The following THSD4 variants were observed in gnomAD, a reference collection of about 807,000 sequenced individuals.
THSD4 encodes thrombospondin type-1 domain-containing protein 4.
A neutral mutation model predicts 119.0 loss-of-function variants in THSD4; 69 were observed. The ratio of observed to expected loss-of-function variants is 0.58; its 90% CI spans 0.48 to 0.71. The LOEUF is 0.71. THSD4 is among the 30% of genes least tolerant of loss of function. The probability of loss-of-function intolerance (pLI) is 0.00; values close to 1 mark genes in which losing one functional copy is unlikely to be tolerated. For missense variants in THSD4, 1,393 were observed against 1,391.1 expected, an observed-to-expected ratio of 1.00 and a Z score of -0.02; for synonymous variants, 524 against 540.4, an observed-to-expected ratio of 0.97 and a Z score of 0.42.
intron 5 of THSD4, among the ~76,000 whole-genome samples, chr15:71,252,647 T>C (rs1470935617): frequency 1.3e-5 from 2 of 152,244 alleles, no homozygotes; most frequent in Non-Finnish European, 2.9e-5. Context: ...GCATAGTGGT[T>C]ACTATGATGG....
intron 3 of THSD4, among the ~76,000 whole-genome samples, chr15:71,212,074 T>G (rs1009980132): frequency 3.3e-5 from 5 of 152,074 alleles, no homozygotes; most frequent in Non-Finnish European, 5.9e-5. Context: ...GGAGGGAGGC[T>G]GGGTGGTCAA....
chr15:71,335,274 G>A (rs1394969312), intron 6 of THSD4, among the ~76,000 whole-genome samples: 1 of 151,974 alleles, frequency 6.6e-6, no homozygotes, highest in Non-Finnish European at 1.5e-5. Context: ...TTAGTTGAGG[G>A]CTCTTTTCTT....
At chr15:71,293,653 A>G (rs2044823133) in intron 6 of THSD4, among the ~76,000 whole-genome samples, 3 of 152,180 alleles carry the variant, frequency 2.0e-5, no homozygotes, top group Non-Finnish European at 2.9e-5. Flanking sequence ...GAATGTTTGC[A>G]ACTTACACTC....
At chr15:71,702,985 C>T (rs888415351) in intron 8 of THSD4, among the ~76,000 whole-genome samples, 2 of 144,828 alleles carry the variant, frequency 1.4e-5, no homozygotes, top group East Asian at 2.0e-4. Context: ...GACCCCTGCT[C>T]TTTTTTTTTT....
At chr15:71,430,334 A>G (rs1266522987) in intron 7 of THSD4, among the ~76,000 whole-genome samples, 1 of 152,202 alleles carries the variant, frequency 6.6e-6, no homozygotes, top group Admixed American at 6.5e-5. Context: ...TGTTTGTAAA[A>G]TAAGTTAGTT....
intron 3 of THSD4, among the ~76,000 whole-genome samples, chr15:71,199,827 GGT>G (rs748178011): frequency 7.5e-4 from 89 of 118,030 alleles, no homozygotes; most frequent in Middle Eastern, 5.2e-3. Flanking sequence ...GCACGTGTGG[GGT>G]GTGTGTGTGT....
At chr15:71,349,979 A>G (rs1035313583) in intron 6 of THSD4, among the ~76,000 whole-genome samples, 4 of 152,090 alleles carry the variant, frequency 2.6e-5, no homozygotes, top group Non-Finnish European at 4.4e-5. Flanking sequence ...CGTAATGCAA[A>G]TCGGTTTATG....
intron 7 of THSD4, among the ~76,000 whole-genome samples, chr15:71,424,248 A>G (rs1215698849): frequency 1.3e-5 from 2 of 152,162 alleles, no homozygotes; most frequent in African/African-American, 2.4e-5. Flanking sequence ...CTATTCAGCC[A>G]TCTTGCTCTG....
intron 7 of THSD4, among the ~76,000 whole-genome samples, chr15:71,559,706 A>T (rs781256629): frequency 3.9e-5 from 6 of 152,176 alleles, no homozygotes; most frequent in Non-Finnish European, 8.8e-5. Context: ...AATGTTCATG[A>T]AAGTGCTTTG....
At position 71,410,798 on chromosome 15, in the gene THSD4, G is replaced by A. The variant is rs566281848; in HGVS notation, c.1016-889G>A. On this transcript the variant is annotated intron_variant, in intron 6 of 17. Coordinates refer to ENST00000261862, the MANE Select transcript of THSD4 (RefSeq NM_024817.3). Reference sequence around the variant, plus strand: ...TGTAATCCCAGCACTTTGGGAGGCCGAGGTGGGCGAATCACTTGAGGTCAG... The same window carrying A: ...TGTAATCCCAGCACTTTGGGAGGCCAAGGTGGGCGAATCACTTGAGGTCAG... 9.2e-5 allele frequency among the ~76,000 whole-genome samples: 14 copies of A among 152,284 alleles called. No homozygotes were observed. The South Asian group carries it at 1.7e-3, about 18-fold the overall frequency.
intron 6 of THSD4, among the ~76,000 whole-genome samples, chr15:71,391,212 G>A (rs914496965): frequency 1.3e-5 from 2 of 151,976 alleles, no homozygotes; most frequent in African/African-American, 4.8e-5. Context: ...GTATTTTTTA[G>A]TAGAGACGGG....
intron 7 of THSD4, among the ~76,000 whole-genome samples, chr15:71,619,869 G>T (rs1271284067): frequency 2.0e-5 from 3 of 152,184 alleles, no homozygotes. Context: ...CCTGACCAAG[G>T]TTTGACGTTG....
chr15:71,584,292 ATGTCTCACTT>A (rs2049620995), intron 7 of THSD4, among the ~76,000 whole-genome samples: 1 of 73,632 alleles, frequency 1.4e-5, no homozygotes, highest in Non-Finnish European at 2.7e-5. Context: ...TTTTGAGACA[ATGTCTCACTT>A]TGTCACCCAG....
intron 7 of THSD4, among the ~76,000 whole-genome samples, chr15:71,580,910 T>TTA (rs948487518): frequency 2.0e-5 from 3 of 152,068 alleles, no homozygotes; most frequent in East Asian, 1.9e-4. Context: ...TATGTGTGTG[T>TTA]TATATATATA....
At chr15:71,352,268 C>G (rs989285180) in intron 6 of THSD4, among the ~76,000 whole-genome samples, 1 of 152,190 alleles carries the variant, frequency 6.6e-6, no homozygotes, top group African/African-American at 2.4e-5. Flanking sequence ...TTACGTGCAG[C>G]CCTCAGCCAG....
intron 7 of THSD4, among the ~76,000 whole-genome samples, chr15:71,543,458 C>G (rs1251533392): frequency 6.6e-6 from 1 of 152,058 alleles, no homozygotes; most frequent in Non-Finnish European, 1.5e-5. Flanking sequence ...TTGGGGAGCT[C>G]TCTAGAAGGA....
intron 7 of THSD4, among the ~76,000 whole-genome samples, chr15:71,524,998 G>C (rs1393501342): frequency 7.9e-5 from 12 of 151,224 alleles, no homozygotes; most frequent in Non-Finnish European, 1.6e-4. Context: ...AAGATCAGCA[G>C]TTATGCATCT....
rs953056069 is a variant in THSD4 at position 71,257,319 on chromosome 15, C to T, written c.1015+604C>T. Among the ~76,000 whole-genome samples the T allele has an allele frequency of 2.2e-4, 33 of 151,660 alleles. 1 individual carries two copies. Among genetic ancestry groups the T allele is most frequent in the Admixed American group, 6.5e-4 (10 of 15,268 alleles). ...GAAATCCAGATGATAACATGGCTTG[C>T]GGACTGAGAAGTTTTAACATTCTGA... On this transcript the variant is annotated intron_variant, in intron 6 of 17. Transcript: ENST00000261862.
chr15:71,332,934 G>GTTTTTTTTTTTTTT, intron 6 of THSD4, among the ~76,000 whole-genome samples: 1 of 59,440 alleles, frequency 1.7e-5, no homozygotes, highest in Admixed American at 2.8e-4. Flanking sequence ...GTTAGTGTTA[G>GTTTTTTTTTTTTTT]TGTATTTTAT....
Sources: gnomAD v4.1 joint callset for allele counts (sites outside exome capture counted in the v4.1 genomes callset) on GRCh38, gnomAD v4.1.1 for gene constraint, MANE v1.5 for transcripts, NCBI Gene and HGNC (gene_info 2026-07-23, HGNC 2026-07-21) for gene names.